SVBP: variants seen among roughly 807,000 people sequenced by gnomAD.
SVBP encodes small vasohibin-binding protein.
A neutral mutation model predicts 9.2 loss-of-function variants in SVBP; 9 were observed. The ratio of observed to expected loss-of-function variants is 0.98; its 90% CI spans 0.59 to 1.71. The LOEUF (loss-of-function observed/expected upper bound fraction) is 1.71. Ranked by LOEUF, SVBP falls within the 40% of genes most tolerant of loss-of-function variation. The pLI is 0.00. For missense variants in SVBP, 63 were observed against 73.2 expected, an observed-to-expected ratio of 0.86 and a Z score of 0.51; for synonymous variants, 27 against 23.9, an observed-to-expected ratio of 1.13 and a Z score of -0.37.
intron 2 of SVBP, among the ~76,000 whole-genome samples, chr1:42,810,145 CACACACACATAT>C (rs1557598202): frequency 6.0e-5 from 9 of 149,158 alleles, no homozygotes; most frequent in African/African-American, 2.3e-4. Flanking sequence ...CACACACACA[CACACACACATAT>C]ATTTTTTTTG....
chr1:42,809,593 GA>G (rs1445627587), intron 2 of SVBP, among the ~76,000 whole-genome samples: 2 of 152,104 alleles, frequency 1.3e-5, no homozygotes, highest in East Asian at 3.9e-4. Flanking sequence ...CAACCTAAAT[GA>G]AACAAGTTCC....
intron 2 of SVBP, among the ~76,000 whole-genome samples, chr1:42,812,199 TTAG>T (rs1216587582): frequency 6.6e-6 from 1 of 152,184 alleles, no homozygotes; most frequent in Non-Finnish European, 1.5e-5. Context: ...CATTTAATCA[TTAG>T]TAGTCTCTAA....
In SVBP at chr1:42,807,507, G is replaced by A. The variant is rs755804847; in HGVS notation, c.115-7C>T. 15 of 1,604,706 alleles carry A rather than the reference G, an allele frequency of 9.3e-6. No individual in the cohort carries two copies. Among genetic ancestry groups the A allele is most frequent in the Non-Finnish European group, 1.1e-5 (13 of 1,171,802 alleles). ...CTCTGTTGAGGGCATAGATCTGAAT[G>A]AGAGAAAGAGATACATCTGTTAGCA... On this transcript the variant is annotated splice_region_variant and splice_polypyrimidine_tract_variant and intron_variant, in intron 2 of 2. Transcript: ENST00000372521.
intron 2 of SVBP, among the ~76,000 whole-genome samples, chr1:42,811,891 A>G (rs1654090850): frequency 6.6e-6 from 1 of 152,200 alleles, no homozygotes; most frequent in Non-Finnish European, 1.5e-5. Flanking sequence ...TATCCTTACA[A>G]TATGCACAGA....
intron 2 of SVBP, among the ~76,000 whole-genome samples, chr1:42,812,879 T>TA (rs1557599115): frequency 1.3e-5 from 2 of 152,180 alleles, no homozygotes; most frequent in African/African-American, 4.8e-5. Context: ...ATAATATTTT[T>TA]AAAAAAACAG....
chr1:42,811,362 G>A (rs917469620), intron 2 of SVBP, among the ~76,000 whole-genome samples: 4 of 152,202 alleles, frequency 2.6e-5, no homozygotes, highest in Non-Finnish European at 5.9e-5. Flanking sequence ...GGTTAAATGG[G>A]AGTCACAATA....
At chr1:42,814,876 C>G (rs1188758176) in intron 2 of SVBP, among the ~76,000 whole-genome samples, 23 of 151,646 alleles carry the variant, frequency 1.5e-4, no homozygotes, top group Non-Finnish European at 1.5e-5. Context: ...GGGTATATAC[C>G]CAAAGGATTA....
At chr1:42,808,180 CA>C (rs1557597497) in intron 2 of SVBP, among the ~76,000 whole-genome samples, 1 of 71,036 alleles carries the variant, frequency 1.4e-5, no homozygotes, top group African/African-American at 5.7e-5. Flanking sequence ...TATATATATA[CA>C]TACTATGTAT....
At chr1:42,816,708 G>C in intron 1 of SVBP, 128 bp from the exon 2 acceptor site, 1 of 572,548 alleles carries the variant, frequency 1.7e-6, no homozygotes, top group Middle Eastern at 4.1e-4. Context: ...CTGGTGGCAA[G>C]GGCGCTGGAT....
At chr1:42,816,242 T>C (rs1011281617) in intron 2 of SVBP, 189 bp downstream of exon 2, 7 of 522,454 alleles carry the variant, frequency 1.3e-5, no homozygotes, top group Non-Finnish European at 2.4e-5. Flanking sequence ...TGACACTAAC[T>C]TGGCATGTGA....
At chr1:42,812,811 A>G (rs1231895249) in intron 2 of SVBP, among the ~76,000 whole-genome samples, 1 of 152,218 alleles carries the variant, frequency 6.6e-6, no homozygotes, top group Non-Finnish European at 1.5e-5. Context: ...ACAAGTTTGT[A>G]TTTATAAGAA....
intron 2 of SVBP, among the ~76,000 whole-genome samples, chr1:42,808,163 A>ATATATG (rs1654004807): frequency 7.7e-6 from 1 of 129,214 alleles, no homozygotes; most frequent in Non-Finnish European, 1.6e-5. Context: ...ATATATATAT[A>ATATATG]TATATATATA....
intron 2 of SVBP, chr1:42,813,505 G>C: frequency 1.8e-6 from 1 of 543,074 alleles, no homozygotes; most frequent in Non-Finnish European, 3.7e-6. Flanking sequence ...GGATGGTTTC[G>C]ATCCAATGGG....
rs1240052191 is a variant in SVBP at position 42,814,226 on chromosome 1, G to A, written c.114+2205C>T. Among the ~76,000 whole-genome samples the A allele has an allele frequency of 5.4e-4, 4 of 7,428 alleles. 1 individual carries two copies. Among genetic ancestry groups the A allele is most frequent in the South Asian group, 4.7e-3 (1 of 214 alleles). 4.9% of individuals were successfully genotyped at this position (7,428 alleles called of 152,430 possible). Reference sequence around the variant, plus strand: ...CCTCCCGAGTAGCTGGGACTACAGGGAGCACCACCACGCCCAGCTAATTTT... The same window carrying A: ...CCTCCCGAGTAGCTGGGACTACAGGAAGCACCACCACGCCCAGCTAATTTT... On this transcript the variant is annotated intron_variant, in intron 2 of 2. Coordinates refer to ENST00000372521, the MANE Select transcript of SVBP (RefSeq NM_199342.4).
In SVBP at chr1:42,816,592, A is replaced by G; in HGVS notation, c.-36-12T>C. 1 of 1,275,562 alleles carries G rather than the reference A, an allele frequency of 7.8e-7. No homozygotes were observed. The highest frequency in any genetic ancestry group is 1.1e-6 in the Non-Finnish European group (1 of 879,100). 79.0% of individuals were successfully genotyped at this position (1,275,562 alleles called of 1,614,324 possible). ...TAGGAGGCTCTGATCTGGGTGGTAC[A>G]GAAAGAGGCAGATCTTCAAAACAAA... On this transcript the variant is annotated splice_polypyrimidine_tract_variant and intron_variant, in intron 1 of 2. Transcript: ENST00000372521.
chr1:42,809,922 G>A (rs77500743), intron 2 of SVBP, among the ~76,000 whole-genome samples: 3,152 of 152,108 alleles, frequency 0.021, 34 homozygotes, highest in Non-Finnish European at 0.027. Context: ...GTAAATTAAC[G>A]TAGAACAGCA....
chr1:42,816,983 C>T lies in SVBP; in HGVS notation c.-37+207G>A, dbSNP rs558675311. The T allele has an allele frequency of 9.3e-5, 19 of 204,414 alleles. 1 individual carries two copies. Among genetic ancestry groups the T allele is most frequent in the African/African-American group, 2.4e-4 (10 of 42,430 alleles). The allele number at this position is 204,414 out of a possible 1,614,324, so 12.7% of individuals were successfully genotyped here. On this transcript the variant is annotated intron_variant, in intron 1 of 2. Coordinates refer to ENST00000372521, the MANE Select transcript of SVBP (RefSeq NM_199342.4). ...GCGCCCAGGGTTTTCCCACTGCGGC[C>T]GGCCTAACTCCGCCGCAGCAGCCGC...
At chr1:42,809,387 A>G (rs1029992714) in intron 2 of SVBP, among the ~76,000 whole-genome samples, 3 of 152,192 alleles carry the variant, frequency 2.0e-5, no homozygotes, top group Admixed American at 2.0e-4. Context: ...CCAAACCTAC[A>G]ATAGAGAGGA....
At chr1:42,817,094 C>A in intron 1 of SVBP, 96 bp downstream of exon 1, 1 of 863,002 alleles carries the variant, frequency 1.2e-6, no homozygotes, top group Non-Finnish European at 1.4e-6. Context: ...GCCCGCCCGG[C>A]CCCAGGGGAC....
Sources: allele counts gnomAD v4.1 joint callset (sites outside exome capture counted in the v4.1 genomes callset), GRCh38; gene constraint gnomAD v4.1.1; transcripts MANE v1.5; gene names NCBI Gene and HGNC (gene_info 2026-07-23, HGNC 2026-07-21).